Variants in RHOBTB3 observed in about 807,000 individuals in gnomAD.
RHOBTB3 encodes the protein rho-related BTB domain-containing protein 3.
Under a neutral mutation model 67.2 loss-of-function variants are expected in RHOBTB3, and 47 were observed. The ratio of observed to expected loss-of-function variants is 0.70; its 90% confidence interval spans 0.55 to 0.89. The LOEUF (loss-of-function observed/expected upper bound fraction) is 0.89, where lower values mean the gene tolerates loss of function less well. Among genes scored for constraint, RHOBTB3 ranks in the 40% least tolerant of loss-of-function variants. RHOBTB3 has a pLI of 0.00. For missense variants in RHOBTB3, 631 were observed against 750.0 expected (o/e 0.84, Z 1.85); for synonymous variants, 273 against 274.2 (o/e 1.00, Z 0.04).
intron 3 of RHOBTB3, among the ~76,000 whole-genome samples, chr5:95,738,232 C>T (rs1254710472): frequency 1.3e-5 from 2 of 152,134 alleles, no homozygotes; most frequent in Non-Finnish European, 2.9e-5. Flanking sequence ...CTACCCGTGA[C>T]CCCATATCCC....
intron 8 of RHOBTB3, among the ~76,000 whole-genome samples, chr5:95,768,428 T>C (rs2112814800): frequency 6.6e-6 from 1 of 152,286 alleles, no homozygotes; most frequent in South Asian, 2.1e-4. Flanking sequence ...TAGCAAGGGA[T>C]GGGGTGATCT....
Position 95,763,570 on chromosome 5 carries a change from G to A in RHOBTB3, c.1111G>A (p.Val371Ile). The A allele has an allele frequency of 6.2e-7, 1 of 1,612,850 alleles. No individual in the cohort carries two copies. Among genetic ancestry groups the A allele is most frequent in the Non-Finnish European group, 8.5e-7 (1 of 1,179,212 alleles). The change falls in exon 7 of 12, where the codon GTT becomes ATT. Residue 371 changes from valine to isoleucine, a missense_variant. Physicochemically the swap from Val to Ile is conservative, Grantham distance 29. Coordinates refer to ENST00000379982, the MANE Select transcript of RHOBTB3 (RefSeq NM_014899.4). The part of the protein sequence containing the change: ...IRKKLKDSGD[V>I]SNVIEKVKCI... ...GAAGAAGTTGAAAGATTCTGGGGAT[G>A]TTTCAAATGTAATCGAGAAAGTTAA...
chr5:95,788,038 A>AT (rs1746272569), intron 10 of RHOBTB3, among the ~76,000 whole-genome samples: 1 of 152,242 alleles, frequency 6.6e-6, no homozygotes, highest in Non-Finnish European at 1.5e-5. Flanking sequence ...AATAATAATA[A>AT]TAAAAAAAAG....
intron 11 of RHOBTB3, among the ~76,000 whole-genome samples, chr5:95,789,912 G>A (rs548125917): frequency 6.6e-6 from 1 of 152,306 alleles, no homozygotes; most frequent in South Asian, 2.1e-4. Context: ...AGCCAACTTG[G>A]GAGGCTGAGG....
intron 9 of RHOBTB3, among the ~76,000 whole-genome samples, chr5:95,781,074 C>A (rs1746033160): frequency 6.6e-6 from 1 of 152,188 alleles, no homozygotes; most frequent in Admixed American, 6.5e-5. Flanking sequence ...TGTGACAGCT[C>A]TAGGTTGGAA....
chr5:95,793,967 G>C lies in RHOBTB3; in HGVS notation c.*793G>C. ...CCCTCAAAATTATGTCTGTTTCGTG[G>C]TGGGAAATATCCTATGTTTTCTTGC... On this transcript the variant is annotated 3_prime_UTR_variant, in exon 12 of 12. Coordinates refer to ENST00000379982, the MANE Select transcript of RHOBTB3 (RefSeq NM_014899.4). 2.2e-6 allele frequency: 1 copy of C among 455,610 alleles called. No individual in the cohort carries two copies. Among genetic ancestry groups the C allele is most frequent in the South Asian group, 1.6e-5 (1 of 64,466 alleles). The allele number at this position is 455,610 out of a possible 1,614,324, so 28.2% of individuals were successfully genotyped here.
intron 7 of RHOBTB3, among the ~76,000 whole-genome samples, chr5:95,766,634 G>C (rs1387241685): frequency 6.7e-6 from 1 of 148,694 alleles, no homozygotes; most frequent in Non-Finnish European, 1.5e-5. Context: ...GCAAAGCAAA[G>C]AAAAAAGGGT....
chr5:95,779,985 GTTTCTA>G (rs1746001330), intron 8 of RHOBTB3: 1 of 432,146 alleles, frequency 2.3e-6, no homozygotes, highest in Non-Finnish European at 4.1e-6. Context: ...TCATTTCAGT[GTTTCTA>G]TTTCTGGAAA....
chr5:95,754,043 T>C (rs1745170677), intron 5 of RHOBTB3, among the ~76,000 whole-genome samples: 1 of 151,952 alleles, frequency 6.6e-6, no homozygotes, highest in African/African-American at 2.4e-5. Context: ...GTGGCAGAGG[T>C]TGCAGTGAGC....
At chr5:95,780,540 C>T (rs979737531) in intron 9 of RHOBTB3, 115 bp downstream of exon 9, 15 of 860,994 alleles carry the variant, frequency 1.7e-5, no homozygotes, top group Middle Eastern at 2.4e-4. Flanking sequence ...GTTGACATCA[C>T]GGAATGTACT....
chr5:95,788,843 T>G lies in RHOBTB3; in HGVS notation c.1705T>G (p.Phe569Val). Residue 569 changes from phenylalanine (F) to valine (V), a missense_variant, in exon 11 of 12, where the codon TTT becomes GTT. Coordinates refer to ENST00000379982, the MANE Select transcript of RHOBTB3 (RefSeq NM_014899.4). ...NYLIFSQKPE[F>V]QDLSVEERSF... ...CCTCATCTTCAGTCAAAAGCCTGAATTTCAGGATCTTTCAGGTAGATTGCT... is the reference window on the plus strand; with the variant it reads ...CCTCATCTTCAGTCAAAAGCCTGAAGTTCAGGATCTTTCAGGTAGATTGCT... 6.5e-7 allele frequency: 1 copy of G among 1,542,750 alleles called. No individual in the cohort carries two copies. Among genetic ancestry groups the G allele is most frequent in the Non-Finnish European group, 8.7e-7 (1 of 1,147,846 alleles).
At chr5:95,723,323 C>G (rs1754952507) in intron 1 of RHOBTB3, among the ~76,000 whole-genome samples, 1 of 152,264 alleles carries the variant, frequency 6.6e-6, no homozygotes, top group Non-Finnish European at 1.5e-5. Context: ...ACTCTAGATT[C>G]TCACTTGGAC....
intron 5 of RHOBTB3, 98 bp downstream of exon 5, chr5:95,752,448 C>T (rs547119208): frequency 2.5e-5 from 20 of 815,020 alleles, no homozygotes; most frequent in Non-Finnish European, 4.1e-5. Flanking sequence ...TGAGCATGCT[C>T]AGAGCTTACC....
chr5:95,761,339 CTT>C (rs766063568), intron 6 of RHOBTB3, among the ~76,000 whole-genome samples: 32 of 125,800 alleles, frequency 2.5e-4, no homozygotes, highest in African/African-American at 7.7e-4. Flanking sequence ...CCTTTTTCCT[CTT>C]TTTTTTTTTT....
At chr5:95,731,799 A>T (rs953889968) in intron 1 of RHOBTB3, 60 bp from the exon 2 acceptor site, 1 of 1,602,592 alleles carries the variant, frequency 6.2e-7, no homozygotes, top group African/African-American at 1.3e-5. Flanking sequence ...TCCTGTTCCG[A>T]GGAGAGACCC....
intron 11 of RHOBTB3, among the ~76,000 whole-genome samples, chr5:95,792,408 G>A (rs1333905772): frequency 3.1e-5 from 4 of 129,542 alleles, no homozygotes; most frequent in Admixed American, 7.7e-5. Flanking sequence ...AAAAAGAAAA[G>A]AAAAGAAAAG....
At position 95,731,824 on chromosome 5, in the gene RHOBTB3, C is replaced by T. The variant is rs373232250; in HGVS notation, c.3-35C>T. On this transcript the variant is annotated intron_variant, in intron 1 of 11. Coordinates refer to ENST00000379982, the MANE Select transcript of RHOBTB3 (RefSeq NM_014899.4). ...AGGAGAGACCCGCGCGCTGACCGTG[C>T]TTCCCTTCTCCCCTCGCCCCCTCTG... 2.5e-6 allele frequency: 4 copies of T among 1,602,912 alleles called. No individual in the cohort carries two copies. The African/African-American group carries it at 4.0e-5, about 16-fold the overall frequency.
chr5:95,786,254 G>A (rs987407032), intron 10 of RHOBTB3, among the ~76,000 whole-genome samples: 3 of 152,150 alleles, frequency 2.0e-5, no homozygotes, highest in Non-Finnish European at 4.4e-5. Context: ...GTTAACTTTT[G>A]CCTTGCCATT....
intron 3 of RHOBTB3, among the ~76,000 whole-genome samples, chr5:95,741,282 C>T (rs923593130): frequency 2.0e-5 from 3 of 148,552 alleles, no homozygotes; most frequent in Admixed American, 6.7e-5. Flanking sequence ...GAACCGAGAT[C>T]GCACCACTGC....
Sources: gnomAD v4.1 joint callset for allele counts (sites outside exome capture counted in the v4.1 genomes callset) on GRCh38, gnomAD v4.1.1 for gene constraint, MANE v1.5 for transcripts, NCBI Gene and HGNC (gene_info 2026-07-23, HGNC 2026-07-21) for gene names.